The following ADAMTS17 variants were observed in gnomAD, a reference collection of about 807,000 sequenced individuals.
The protein encoded by ADAMTS17 is ADAM metallopeptidase with thrombospondin type 1 motif 17, also known as A disintegrin and metalloproteinase with thrombospondin motifs 17.
In ADAMTS17, 113 loss-of-function variants were observed where a neutral mutation model predicts 141.5. That is an observed-to-expected ratio of 0.80 (90% CI 0.69 to 0.93). The LOEUF is 0.93. Among genes scored for constraint, ADAMTS17 ranks in the 40% least tolerant of loss-of-function variants. The pLI is 0.00. For missense variants in ADAMTS17, 1,659 were observed against 1,517.9 expected (o/e 1.09, Z -1.54); for synonymous variants, 768 against 630.6 (o/e 1.22, Z -3.27).
chr15:100,101,071 C>G (rs1183118885), intron 14 of ADAMTS17, among the ~76,000 whole-genome samples: 1 of 152,188 alleles, frequency 6.6e-6, no homozygotes, highest in Non-Finnish European at 1.5e-5. Flanking sequence ...GGCCCTGGCT[C>G]CTTTGTGCCA....
intron 8 of ADAMTS17, among the ~76,000 whole-genome samples, chr15:100,162,965 T>C (rs923372276): frequency 1.4e-5 from 2 of 138,146 alleles, no homozygotes; most frequent in African/African-American, 5.5e-5. Flanking sequence ...TATAACTATA[T>C]ATGTATATAT....
chr15:100,341,034 A>G lies in ADAMTS17; in HGVS notation c.450+5T>C. 6.8e-7 allele frequency: 1 copy of G among 1,479,002 alleles called. No homozygotes were observed. Among genetic ancestry groups the G allele is most frequent in the East Asian group, 2.8e-5 (1 of 36,056 alleles). 91.6% of individuals were successfully genotyped at this position (1,479,002 alleles called of 1,614,324 possible). On this transcript the variant is annotated splice_donor_5th_base_variant and intron_variant, in intron 2 of 21. Transcript: ENST00000268070. ...GGGCCGACCCGGAGGTGGCGCGGGC[A>G]GTACCAGGCCGCCGGCGGCGCCGCA...
At chr15:100,128,964 C>T (rs184221848) in intron 12 of ADAMTS17, 4 of 152,212 alleles carry the variant, frequency 2.6e-5, no homozygotes, top group Admixed American at 1.3e-4. Flanking sequence ...AATGTCATCC[C>T]GAGAAGGCAG....
intron 3 of ADAMTS17, among the ~76,000 whole-genome samples, chr15:100,291,945 A>G (rs1182691015): frequency 6.6e-6 from 1 of 152,286 alleles, no homozygotes; most frequent in Non-Finnish European, 1.5e-5. Flanking sequence ...AAGTTAAAAA[A>G]GAAAAGAAAA....
At chr15:99,998,528 CA>C (rs1247336261) in intron 18 of ADAMTS17, among the ~76,000 whole-genome samples, 1 of 152,136 alleles carries the variant, frequency 6.6e-6, no homozygotes, top group Non-Finnish European at 1.5e-5. Context: ...CGCTTGAACC[CA>C]GGGGGTGGAG....
At chr15:100,185,079 G>C (rs887912411) in intron 8 of ADAMTS17, among the ~76,000 whole-genome samples, 1 of 152,182 alleles carries the variant, frequency 6.6e-6, no homozygotes, top group Non-Finnish European at 1.5e-5. Context: ...ATCTGAAAGC[G>C]CTACAGTCTG....
At chr15:100,109,268 C>G (rs75158695) in intron 13 of ADAMTS17, 152 bp from the exon 14 acceptor site, 1 of 1,018,162 alleles carries the variant, frequency 9.8e-7, no homozygotes, top group Non-Finnish European at 1.4e-6. Flanking sequence ...CTCCAGGAAG[C>G]GGAAAAAGAC....
chr15:99,989,054 G>A (rs1222744863), intron 20 of ADAMTS17, among the ~76,000 whole-genome samples: 1 of 152,148 alleles, frequency 6.6e-6, no homozygotes, highest in East Asian at 1.9e-4. Context: ...TCTACAGGAC[G>A]CCCCTTAGCT....
At chr15:100,258,608 ACTT>A (rs1217606447) in intron 6 of ADAMTS17, among the ~76,000 whole-genome samples, 3 of 152,104 alleles carry the variant, frequency 2.0e-5, no homozygotes, top group African/African-American at 7.2e-5. Flanking sequence ...ATCTTGTGAG[ACTT>A]CTTCACGATC....
chr15:100,016,849 CAGG>C (rs767278270), intron 18 of ADAMTS17, among the ~76,000 whole-genome samples: 36 of 152,126 alleles, frequency 2.4e-4, no homozygotes, highest in Non-Finnish European at 5.0e-4. Context: ...GGCCTCCTGC[CAGG>C]AGGTGATGCT....
chr15:100,305,057 T>G (rs539412799), intron 3 of ADAMTS17, among the ~76,000 whole-genome samples: 8 of 152,236 alleles, frequency 5.3e-5, no homozygotes, highest in Non-Finnish European at 7.3e-5. Flanking sequence ...GCGCAGCCTA[T>G]AAGCAGTTAA....
At chr15:100,154,026 C>CA (rs2039315108) in intron 9 of ADAMTS17, among the ~76,000 whole-genome samples, 1 of 152,188 alleles carries the variant, frequency 6.6e-6, no homozygotes, top group African/African-American at 2.4e-5. Flanking sequence ...ACTAAAAATA[C>CA]AAAAATTATC....
intron 17 of ADAMTS17, among the ~76,000 whole-genome samples, chr15:100,049,853 T>G (rs772670042): frequency 6.6e-6 from 1 of 152,226 alleles, no homozygotes; most frequent in Non-Finnish European, 1.5e-5. Context: ...AACTTCCCTG[T>G]GCCTCAGGGT....
intron 8 of ADAMTS17, among the ~76,000 whole-genome samples, chr15:100,180,169 T>G (rs1288285581): frequency 6.6e-6 from 1 of 152,190 alleles, no homozygotes. Flanking sequence ...TAGATTTAAG[T>G]CTTTAATCTA....
chr15:100,232,117 C>T (rs2042502023), intron 7 of ADAMTS17, among the ~76,000 whole-genome samples: 1 of 152,214 alleles, frequency 6.6e-6, no homozygotes. Context: ...ATTGACACTT[C>T]CAATGAGATA....
At position 100,155,408 on chromosome 15, in the gene ADAMTS17, C is replaced by G. The variant is rs191876201; in HGVS notation, c.1182-88G>C. On this transcript the variant is annotated intron_variant, in intron 8 of 21. Coordinates refer to ENST00000268070, the MANE Select transcript of ADAMTS17 (RefSeq NM_139057.4). Reference sequence around the variant, plus strand: ...GCTAGCGGACCATGCTAAGGTAAATCAAGTCTTAAAAACAAAAACGGACGT... The same window carrying G: ...GCTAGCGGACCATGCTAAGGTAAATGAAGTCTTAAAAACAAAAACGGACGT... The G allele has an allele frequency of 6.9e-5, 107 of 1,547,854 alleles. No individual in the cohort carries two copies. In the Admixed American group the frequency reaches 1.7e-3, roughly 24 times the overall value.
chr15:100,211,916 G>A (rs1247976796), intron 7 of ADAMTS17, among the ~76,000 whole-genome samples: 2 of 152,096 alleles, frequency 1.3e-5, no homozygotes, highest in Non-Finnish European at 2.9e-5. Context: ...GGCCATTTTA[G>A]GAAGTAATTT....
chr15:100,175,787 G>C (rs1047216566), intron 8 of ADAMTS17, among the ~76,000 whole-genome samples: 4 of 151,990 alleles, frequency 2.6e-5, no homozygotes, highest in African/African-American at 9.7e-5. Flanking sequence ...GTGCCCCCGA[G>C]AGTGCAACGG....
chr15:100,011,680 T>C (rs906539541), intron 18 of ADAMTS17, among the ~76,000 whole-genome samples: 1 of 152,220 alleles, frequency 6.6e-6, no homozygotes, highest in East Asian at 1.9e-4. Flanking sequence ...GTGAGGAAAC[T>C]GAGGCACAGT....
Sources: allele counts gnomAD v4.1 joint callset (sites outside exome capture counted in the v4.1 genomes callset), GRCh38; gene constraint gnomAD v4.1.1; transcripts MANE v1.5; gene names NCBI Gene and HGNC (gene_info 2026-07-23, HGNC 2026-07-21).